Variants in SP100 observed in about 807,000 individuals in gnomAD.
SP100 encodes SP100 nuclear body protein.
SP100 carries 84 observed loss-of-function variants against 130.0 expected under a neutral mutation model. The ratio of observed to expected loss-of-function variants is 0.65; its 90% confidence interval spans 0.54 to 0.77. SP100 has a LOEUF of 0.77. Among genes scored for constraint, SP100 ranks in the 30% least tolerant of loss-of-function variants. The pLI, the probability that SP100 is intolerant of heterozygous loss-of-function variation, is 0.00. For synonymous variants in SP100, 331 were observed against 351.7 expected (o/e 0.94, Z 0.66); for missense variants, 978 against 1,052.2 (o/e 0.93, Z 0.97).
chr2:230,533,567 C>A (rs1208266934), intron 24 of SP100, among the ~76,000 whole-genome samples: 1 of 152,184 alleles, frequency 6.6e-6, no homozygotes, highest in Non-Finnish European at 1.5e-5. Flanking sequence ...TTGAACATTA[C>A]CCTAGTTTAA....
chr2:230,437,010 A>ACACACG (rs2063314419), intron 2 of SP100, among the ~76,000 whole-genome samples: 1 of 146,100 alleles, frequency 6.8e-6, no homozygotes, highest in African/African-American at 2.5e-5. Context: ...ACACACACAC[A>ACACACG]CATATATATG....
At chr2:230,510,983 A>T in intron 23 of SP100, 142 bp from the exon 24 acceptor site, 1 of 690,300 alleles carries the variant, frequency 1.4e-6, no homozygotes, top group South Asian at 1.6e-5. Flanking sequence ...CTTCAGTTAG[A>T]TGTACAGGTC....
At position 230,515,656 on chromosome 2, in the gene SP100, G is replaced by GT. The variant is rs139703144; in HGVS notation, c.2094+4497dup. ...TGATAAATAAGTTGCTTCTAGTGCAGTTTTTTTCTTGTCTATAAAGCATTT... is the reference window on the plus strand; with the variant it reads ...TGATAAATAAGTTGCTTCTAGTGCAGTTTTTTTTCTTGTCTATAAAGCATTT... On this transcript the variant is annotated intron_variant, in intron 24 of 28. Coordinates refer to ENST00000340126, the MANE Select transcript of SP100 (RefSeq NM_001080391.2). 11 of 1,587,988 alleles carry GT rather than the reference G, an allele frequency of 6.9e-6. No homozygotes were observed. In the African/African-American group the frequency reaches 1.4e-4, roughly 20 times the overall value.
At chr2:230,510,877 T>A in intron 23 of SP100, 1 of 544,784 alleles carries the variant, frequency 1.8e-6, no homozygotes, top group South Asian at 2.1e-5. Context: ...TCTCCCTGAA[T>A]GGTTTCACGA....
chr2:230,442,988 A>G lies in SP100; in HGVS notation c.159A>G (p.Val53=), dbSNP rs961617913. The G allele has an allele frequency of 1.2e-6, 2 of 1,614,060 alleles. No individual in the cohort carries two copies. The highest frequency in any genetic ancestry group is 1.7e-6 in the Non-Finnish European group (2 of 1,179,912). ...GVDDRLLYDI[V]FKHFKRNKVE... is the part of the protein sequence containing the mutation. ...ATGACAGGCTGCTCTATGACATTGT[A>G]TTCAAGCACTTCAAAAGAAATAAGG... is the stretch of plus-strand genomic sequence containing the variant. The change falls in exon 3 of 29, where the codon GTA becomes GTG. Residue 53 remains valine, a synonymous_variant. Coordinates refer to ENST00000340126, the MANE Select transcript of SP100 (RefSeq NM_001080391.2).
At chr2:230,487,912 G>A (rs2066190772) in intron 17 of SP100, among the ~76,000 whole-genome samples, 1 of 152,084 alleles carries the variant, frequency 6.6e-6, no homozygotes, top group Non-Finnish European at 1.5e-5. Flanking sequence ...TCCCTTGTTA[G>A]CTGTATTCCT....
intron 2 of SP100, among the ~76,000 whole-genome samples, chr2:230,433,245 G>T (rs2063148985): frequency 6.6e-6 from 1 of 152,098 alleles, no homozygotes; most frequent in African/African-American, 2.4e-5. Flanking sequence ...AGTACTATTT[G>T]TTGAAAAGAC....
chr2:230,447,470 T>C (rs2063760255), intron 5 of SP100, among the ~76,000 whole-genome samples: 1 of 152,174 alleles, frequency 6.6e-6, no homozygotes, highest in Admixed American at 6.5e-5. Context: ...TGCCCCCCAC[T>C]TCAGATGCCA....
chr2:230,522,473 G>GTTGTTTTTT (rs1553645236), intron 24 of SP100, among the ~76,000 whole-genome samples: 1 of 47,498 alleles, frequency 2.1e-5, no homozygotes, highest in Non-Finnish European at 4.3e-5. Flanking sequence ...TGGCCCCAGT[G>GTTGTTTTTT]TTCTTTTTTT....
chr2:230,511,247 G>A (rs774448451), intron 24 of SP100, 81 bp downstream of exon 24: 119 of 962,376 alleles, frequency 1.2e-4, no homozygotes, highest in South Asian at 7.6e-4. Context: ...GCCTTTCCCC[G>A]AAGCATGCTC....
intron 8 of SP100, among the ~76,000 whole-genome samples, chr2:230,460,214 A>G (rs1222307845): frequency 6.6e-6 from 1 of 152,258 alleles, no homozygotes; most frequent in Non-Finnish European, 1.5e-5. Context: ...AGGCAGCATT[A>G]TTCATAGAAG....
intron 2 of SP100, among the ~76,000 whole-genome samples, chr2:230,426,324 A>G (rs1258622949): frequency 6.6e-6 from 1 of 152,052 alleles, no homozygotes; most frequent in Non-Finnish European, 1.5e-5. Flanking sequence ...ATCAACTGTA[A>G]AGCTAAATGG....
At chr2:230,514,961 G>T in intron 24 of SP100, 6 of 1,455,656 alleles carry the variant, frequency 4.1e-6, no homozygotes, top group Non-Finnish European at 5.5e-6. Context: ...TAGTGCTGGC[G>T]CAAGTGAGAG....
chr2:230,521,314 T>G (rs974403479), intron 24 of SP100, among the ~76,000 whole-genome samples: 1 of 152,130 alleles, frequency 6.6e-6, no homozygotes, highest in African/African-American at 2.4e-5. Flanking sequence ...CAGAGGCCGT[T>G]TCTCAGGAAA....
chr2:230,448,794 G>A (rs2063829833), intron 5 of SP100, among the ~76,000 whole-genome samples: 2 of 152,152 alleles, frequency 1.3e-5, no homozygotes, highest in Admixed American at 1.3e-4. Flanking sequence ...TGGGGACAAA[G>A]GCAGGATCAC....
intron 24 of SP100, among the ~76,000 whole-genome samples, chr2:230,511,447 T>C (rs1470538780): frequency 6.6e-6 from 1 of 152,080 alleles, no homozygotes; most frequent in Admixed American, 6.5e-5. Flanking sequence ...AGACAAGAAC[T>C]TGAAGTAGTA....
chr2:230,497,510 AGGAG>A (rs2066744031), intron 18 of SP100, among the ~76,000 whole-genome samples: 2 of 21,858 alleles, frequency 9.1e-5, no homozygotes, highest in African/African-American at 3.4e-4. Flanking sequence ...AGGAGAGGAG[AGGAG>A]AGGAGAGGAG....
intron 9 of SP100, 150 bp downstream of exon 9, chr2:230,461,564 C>T: frequency 1.4e-6 from 1 of 710,564 alleles, no homozygotes; most frequent in South Asian, 1.8e-5. Flanking sequence ...AGTGAGTCTT[C>T]AGCTTGACAG....
In SP100 at chr2:230,470,825, G is replaced by A. The variant is rs544363834; in HGVS notation, c.1429+727G>A. Among the ~76,000 whole-genome samples the A allele has an allele frequency of 6.6e-5, 10 of 152,266 alleles. No homozygotes were observed. In the South Asian group the frequency reaches 1.0e-3, roughly 16 times the overall value. On this transcript the variant is annotated intron_variant, in intron 15 of 28. Transcript: ENST00000340126. ...TTAAGTCAAAGTCCAAAGAAGATGC[G>A]CAAGGAACTCAGAATATTCACAGGA...
Sources: allele counts gnomAD v4.1 joint callset (sites outside exome capture counted in the v4.1 genomes callset), GRCh38; gene constraint gnomAD v4.1.1; transcripts MANE v1.5; gene names NCBI Gene and HGNC (gene_info 2026-07-23, HGNC 2026-07-21).